Variants in UVRAG observed in about 807,000 individuals in gnomAD.
UVRAG encodes the protein UV radiation resistance-associated gene protein.
A neutral mutation model predicts 78.0 loss-of-function variants in UVRAG; 19 were observed. The observed-to-expected ratio is 0.24, with a 90% CI of 0.17 to 0.36. The LOEUF is 0.36. Ranked by LOEUF, UVRAG falls within the 10% of genes least tolerant of loss-of-function variation. The pLI is 1.00. For missense variants in UVRAG, 740 were observed against 853.8 expected (o/e 0.87, Z 1.66); for synonymous variants, 323 against 324.6 (o/e 1.00, Z 0.05).
At chr11:75,980,981 A>G (rs1949380175) in intron 7 of UVRAG, among the ~76,000 whole-genome samples, 1 of 152,008 alleles carries the variant, frequency 6.6e-6, no homozygotes, top group African/African-American at 2.4e-5. Flanking sequence ...CTAGAGTTTT[A>G]TCAATTTTAT....
chr11:76,108,554 A>T (rs1644452506), intron 13 of UVRAG, among the ~76,000 whole-genome samples: 1 of 152,152 alleles, frequency 6.6e-6, no homozygotes, highest in Non-Finnish European at 1.5e-5. Flanking sequence ...TGAAACACAA[A>T]GTGGATGTAT....
At chr11:75,920,018 T>TTG (rs1232326026) in intron 6 of UVRAG, among the ~76,000 whole-genome samples, 2 of 92,410 alleles carry the variant, frequency 2.2e-5, no homozygotes, top group Non-Finnish European at 4.0e-5. Flanking sequence ...GTTTTTTTTT[T>TTG]TTTTTTTTTT....
chr11:75,827,227 A>G (rs901053942), intron 1 of UVRAG, among the ~76,000 whole-genome samples: 2 of 152,046 alleles, frequency 1.3e-5, no homozygotes, highest in African/African-American at 4.8e-5. Flanking sequence ...TCCAGGAAAA[A>G]TTTTATACTC....
intron 12 of UVRAG, among the ~76,000 whole-genome samples, chr11:76,049,760 C>G (rs1950826759): frequency 6.6e-6 from 1 of 152,210 alleles, no homozygotes; most frequent in South Asian, 2.1e-4. Flanking sequence ...AGGACTTCGG[C>G]TCATAGTTCA....
intron 13 of UVRAG, among the ~76,000 whole-genome samples, chr11:76,072,474 C>T (rs1951331335): frequency 1.3e-5 from 2 of 152,164 alleles, no homozygotes; most frequent in South Asian, 4.1e-4. Flanking sequence ...TGAGCCTTTG[C>T]TCTTGCCACT....
At chr11:76,011,113 G>A (rs1052324799) in intron 11 of UVRAG, among the ~76,000 whole-genome samples, 1 of 152,064 alleles carries the variant, frequency 6.6e-6, no homozygotes, top group African/African-American at 2.4e-5. Flanking sequence ...CATAGCTTTT[G>A]TAGTTATCTA....
intron 5 of UVRAG, among the ~76,000 whole-genome samples, chr11:75,909,479 G>T (rs1352281397): frequency 2.7e-5 from 4 of 149,670 alleles, no homozygotes; most frequent in Admixed American, 6.6e-5. Flanking sequence ...ATCAGAACTT[G>T]TTTAAAAAAA....
intron 13 of UVRAG, among the ~76,000 whole-genome samples, chr11:76,068,816 G>A (rs1236317492): frequency 5.3e-5 from 8 of 152,158 alleles, no homozygotes; most frequent in East Asian, 1.9e-4. Context: ...GCTTTTGAAG[G>A]TTTATTTTTA....
At chr11:75,986,606 A>G (rs1739759817) in intron 8 of UVRAG, among the ~76,000 whole-genome samples, 1 of 152,182 alleles carries the variant, frequency 6.6e-6, no homozygotes, top group Non-Finnish European at 1.5e-5. Context: ...AAATTAAAAA[A>G]TCGGATTATT....
chr11:76,099,459 T>G (rs1951841687), intron 13 of UVRAG, among the ~76,000 whole-genome samples: 1 of 152,162 alleles, frequency 6.6e-6, no homozygotes, highest in South Asian at 2.1e-4. Flanking sequence ...AAATGCTTTA[T>G]TTACTAAAAC....
intron 6 of UVRAG, among the ~76,000 whole-genome samples, chr11:75,937,166 G>C (rs934207368): frequency 6.6e-6 from 1 of 152,196 alleles, no homozygotes; most frequent in Admixed American, 6.5e-5. Flanking sequence ...TCAGGAGTTT[G>C]AGACCAGCCT....
At chr11:75,879,786 T>C in intron 3 of UVRAG, 93 bp from the exon 4 acceptor site, 2 of 1,520,410 alleles carry the variant, frequency 1.3e-6, no homozygotes, top group Non-Finnish European at 1.8e-6. Context: ...ATGAGGTCTT[T>C]TGGTTTTGAA....
At chr11:75,879,825 A>ATT in intron 3 of UVRAG, 54 bp from the exon 4 acceptor site, 4 of 1,568,500 alleles carry the variant, frequency 2.6e-6, no homozygotes, top group Non-Finnish European at 3.5e-6. Context: ...CCTAATTGAA[A>ATT]TAATCGTAAA....
intron 1 of UVRAG, among the ~76,000 whole-genome samples, chr11:75,844,999 G>A (rs955298354): frequency 1.4e-4 from 22 of 152,106 alleles, no homozygotes; most frequent in Non-Finnish European, 2.9e-4. Context: ...TACCACTTAA[G>A]TCTTGCGTTA....
chr11:75,943,993 T>C (rs900546416), intron 6 of UVRAG, among the ~76,000 whole-genome samples: 4 of 152,088 alleles, frequency 2.6e-5, no homozygotes, highest in Admixed American at 1.3e-4. Flanking sequence ...GCTGTAGAGG[T>C]GCAGAGAATT....
intron 12 of UVRAG, among the ~76,000 whole-genome samples, chr11:76,040,787 C>T (rs1456377934): frequency 6.6e-6 from 1 of 152,016 alleles, no homozygotes; most frequent in Admixed American, 6.6e-5. Flanking sequence ...GATCTTCTGA[C>T]TTTGTGATCC....
intron 12 of UVRAG, among the ~76,000 whole-genome samples, chr11:76,064,547 G>A (rs902208941): frequency 6.6e-6 from 1 of 152,136 alleles, no homozygotes; most frequent in Non-Finnish European, 1.5e-5. Flanking sequence ...GGTGTGTGAA[G>A]CATTTGGTGT....
At chr11:75,951,092 G>C (rs912726324) in intron 6 of UVRAG, among the ~76,000 whole-genome samples, 7 of 151,168 alleles carry the variant, frequency 4.6e-5, no homozygotes, top group African/African-American at 7.3e-5. Context: ...CCTAGTCAGA[G>C]TTTTTGCATA....
At chr11:76,111,155 A>G (rs951759819) in intron 13 of UVRAG, among the ~76,000 whole-genome samples, 1 of 152,202 alleles carries the variant, frequency 6.6e-6, no homozygotes, top group Non-Finnish European at 1.5e-5. Context: ...TAATAAGGTT[A>G]AATAATTTTA....
Sources: gnomAD v4.1 joint callset for allele counts (sites outside exome capture counted in the v4.1 genomes callset) on GRCh38, gnomAD v4.1.1 for gene constraint, MANE v1.5 for transcripts, NCBI Gene and HGNC (gene_info 2026-07-23, HGNC 2026-07-21) for gene names.